Variants in TMEM63C observed in about 807,000 individuals in gnomAD.
TMEM63C encodes osmosensitive cation channel TMEM63C.
TMEM63C carries 32 observed loss-of-function variants against 99.2 expected under a neutral mutation model. That is an observed-to-expected ratio of 0.32 (90% confidence interval 0.24 to 0.43). The LOEUF is 0.43. Ranked by LOEUF, TMEM63C falls within the 20% of genes least tolerant of loss-of-function variation. TMEM63C has a pLI of 1.00. For synonymous variants in TMEM63C, 376 were observed against 397.9 expected (o/e 0.94, Z 0.66); for missense variants, 826 against 1,053.0 (o/e 0.78, Z 2.98).
intron 7 of TMEM63C, among the ~76,000 whole-genome samples, chr14:77,233,099 GACGTTGCCAGTGGTA>G (rs1566626848): frequency 6.6e-6 from 1 of 152,204 alleles, no homozygotes; most frequent in Non-Finnish European, 1.5e-5. Flanking sequence ...GCCTTTTCTG[GACGTTGCCAGTGGTA>G]ATAGTGTTGC....
At position 77,194,332 on chromosome 14, in the gene TMEM63C, ATATATGTGTGTG is replaced by A. The variant is rs1391891524; in HGVS notation, c.-77+12440_-77+12451del. ...AATAAAGATGCAGGCATAGATATATATATATGTGTGTGTGTGTGTGTGTGTGTGTGTGTGTGT... is the reference window on the plus strand; with the variant it reads ...AATAAAGATGCAGGCATAGATATATATGTGTGTGTGTGTGTGTGTGTGTGT... On this transcript the variant is annotated intron_variant, in intron 1 of 23. Transcript: ENST00000298351. 8.9e-4 allele frequency among the ~76,000 whole-genome samples: 53 copies of A among 59,350 alleles called. 1 individual carries two copies. Among genetic ancestry groups the A allele is most frequent in the African/African-American group, 3.1e-3 (52 of 16,990 alleles). The allele number at this position is 59,350 out of a possible 152,430, so 38.9% of individuals were successfully genotyped here. A position where few individuals can be genotyped will look rare whatever the true frequency, so the allele number is the denominator to read the frequency against.
chr14:77,214,813 C>G (rs1888552305), intron 2 of TMEM63C, among the ~76,000 whole-genome samples: 1 of 152,154 alleles, frequency 6.6e-6, no homozygotes, highest in Non-Finnish European at 1.5e-5. Context: ...GAATCTCTTT[C>G]ATTTCAGCAC....
At chr14:77,211,196 T>G (rs1888492187) in intron 1 of TMEM63C, among the ~76,000 whole-genome samples, 1 of 152,184 alleles carries the variant, frequency 6.6e-6, no homozygotes, top group Admixed American at 6.5e-5. Flanking sequence ...CTGCTCAGCA[T>G]GTCCAGAGCA....
In TMEM63C at chr14:77,249,729, C is replaced by T. The variant is rs1242909331; in HGVS notation, c.2038+271C>T. On this transcript the variant is annotated intron_variant, in intron 21 of 23. Transcript: ENST00000298351. ...CAGGGAAGGAAACCTCATATTCCTT[C>T]TTTCTAAGTCTAGACGGGTGGAAAA... Among the ~76,000 whole-genome samples, 3 of 152,368 alleles carry T rather than the reference C, an allele frequency of 2.0e-5. No individual in the cohort carries two copies. The East Asian group carries it at 5.8e-4, about 29-fold the overall frequency.
intron 4 of TMEM63C, 150 bp downstream of exon 4, chr14:77,219,727 G>A: frequency 2.5e-6 from 2 of 797,926 alleles, no homozygotes; most frequent in Non-Finnish European, 2.1e-6. Context: ...CTGCAGGAAG[G>A]GGACTTGGAG....
chr14:77,249,199 G>C, intron 20 of TMEM63C, 92 bp from the exon 21 acceptor site: 1 of 1,355,042 alleles, frequency 7.4e-7, no homozygotes, highest in African/African-American at 1.4e-5. Flanking sequence ...TGACAGCCGT[G>C]GATCTGGCTT....
In TMEM63C at chr14:77,243,137, C is replaced by T. The variant is rs920428967; in HGVS notation, c.1341+81C>T. The T allele has an allele frequency of 3.3e-6, 5 of 1,533,122 alleles. No homozygotes were observed. In the South Asian group the frequency reaches 5.9e-5, roughly 18 times the overall value. 95.0% of individuals were successfully genotyped at this position (1,533,122 alleles called of 1,614,324 possible). A position where few individuals can be genotyped will look rare whatever the true frequency, so the allele number is the denominator to read the frequency against. On this transcript the variant is annotated intron_variant, in intron 15 of 23. Coordinates refer to ENST00000298351, the MANE Select transcript of TMEM63C (RefSeq NM_020431.4). ...CAGGCGAGGATGGGATGGGGGGAGC[C>T]CCCTGGGAGGGGGCTGTGGAGCCCA...
At chr14:77,230,729 C>CA (rs1888924126) in intron 6 of TMEM63C, among the ~76,000 whole-genome samples, 2 of 152,034 alleles carry the variant, frequency 1.3e-5, no homozygotes, top group South Asian at 4.2e-4. Flanking sequence ...TCTGCCCCCC[C>CA]ACCACCCCAC....
chr14:77,228,986 A>G (rs1365664107), intron 6 of TMEM63C, among the ~76,000 whole-genome samples: 1 of 152,238 alleles, frequency 6.6e-6, no homozygotes, highest in African/African-American at 2.4e-5. Context: ...TGCTCCATCA[A>G]CAGAGGCCAC....
rs956730587 is a variant in TMEM63C at position 77,214,244 on chromosome 14, G to A, written c.-14+736G>A. ...TCCTCTTAAGAGCCCTGTGAAGTGG[G>A]TACTAATGGCTGTTGCCATTTCCAC... On this transcript the variant is annotated intron_variant, in intron 2 of 23. Transcript: ENST00000298351. 3.9e-5 allele frequency among the ~76,000 whole-genome samples: 6 copies of A among 152,144 alleles called. 1 individual carries two copies. The highest frequency in any genetic ancestry group is 1.9e-4 in the East Asian group (1 of 5,196).
intron 2 of TMEM63C, among the ~76,000 whole-genome samples, chr14:77,214,175 T>C (rs144171122): frequency 1.3e-5 from 2 of 152,328 alleles, no homozygotes; most frequent in East Asian, 3.9e-4. Context: ...GTGATGCTCC[T>C]TGTGTTCCAG....
chr14:77,229,771 T>C (rs1888902231), intron 6 of TMEM63C, among the ~76,000 whole-genome samples: 1 of 151,874 alleles, frequency 6.6e-6, no homozygotes, highest in African/African-American at 2.4e-5. Context: ...TTTTAATCAT[T>C]GTCTTAGGTT....
chr14:77,238,339 G>A (rs1318534842), intron 9 of TMEM63C, among the ~76,000 whole-genome samples: 1 of 152,196 alleles, frequency 6.6e-6, no homozygotes, highest in Admixed American at 6.5e-5. Context: ...TTCCAATCAT[G>A]GAGCTCTGAT....
At chr14:77,239,770 G>T (rs780506192) in intron 12 of TMEM63C, 44 bp downstream of exon 12, 1 of 1,602,918 alleles carries the variant, frequency 6.2e-7, no homozygotes, top group Non-Finnish European at 8.5e-7. Flanking sequence ...GAGCGGTGGG[G>T]TCCTGGGGCT....
intron 15 of TMEM63C, 91 bp downstream of exon 15, chr14:77,243,147 G>A: frequency 3.4e-6 from 5 of 1,472,772 alleles, no homozygotes; most frequent in Non-Finnish European, 1.8e-6. Flanking sequence ...CCCCTGGGAG[G>A]GGGCTGTGGA....
chr14:77,207,101 A>G (rs2140100742), intron 1 of TMEM63C, among the ~76,000 whole-genome samples: 1 of 152,240 alleles, frequency 6.6e-6, no homozygotes, highest in African/African-American at 2.4e-5. Context: ...GGGCACCATC[A>G]TGGCTGCTCA....
intron 7 of TMEM63C, 109 bp from the exon 8 acceptor site, chr14:77,233,343 C>A (rs894208298): frequency 8.6e-7 from 1 of 1,165,732 alleles, no homozygotes; most frequent in Non-Finnish European, 1.2e-6. Flanking sequence ...AAGAGGAGGT[C>A]AAAGGCAAGC....
chr14:77,182,477 GT>G (rs759826208), intron 1 of TMEM63C, among the ~76,000 whole-genome samples: 25 of 152,202 alleles, frequency 1.6e-4, no homozygotes, highest in Non-Finnish European at 3.4e-4. Context: ...AGAGAGGAAC[GT>G]TGTGTTTGGA....
Position 77,239,649 on chromosome 14 carries a change from A to G in TMEM63C, c.853A>G (p.Lys285Glu). 6.2e-7 allele frequency: 1 copy of G among 1,613,402 alleles called. No individual in the cohort carries two copies. The highest frequency in any genetic ancestry group is 1.7e-5 in the Admixed American group (1 of 59,966). Reference protein sequence around the residue: ...GRLFYTAKAKKTGKVMIRIHP... With the variant: ...GRLFYTAKAKETGKVMIRIHP... ...GCTTTTCTATACAGCCAAGGCCAAG[A>G]AGACTGGGAAGGTGATGATCAGGAT... The change falls in exon 12 of 24, where the codon AAG (lysine) becomes GAG (glutamate). Residue 285 changes from lysine (K) to glutamate (E), a missense_variant. Physicochemically the swap from Lys to Glu is moderately conservative, Grantham distance 56 (BLOSUM62 1). Transcript: ENST00000298351.
Sources: allele counts gnomAD v4.1 joint callset (sites outside exome capture counted in the v4.1 genomes callset), GRCh38; gene constraint gnomAD v4.1.1; transcripts MANE v1.5; gene names NCBI Gene and HGNC (gene_info 2026-07-23, HGNC 2026-07-21).